Variants in RTEL1 observed in about 807,000 individuals in gnomAD.
RTEL1 encodes the protein regulator of telomere length.
In RTEL1, 86 loss-of-function variants were observed where a neutral mutation model predicts 162.2. The observed-to-expected ratio is 0.53, with a 90% CI of 0.45 to 0.63. The LOEUF (loss-of-function observed/expected upper bound fraction) is 0.63. RTEL1 is among the 30% of genes least tolerant of loss of function. The probability of loss-of-function intolerance (pLI) is 0.00; values close to 1 mark genes in which losing one functional copy is unlikely to be tolerated. For missense variants in RTEL1, 1,941 were observed against 1,750.2 expected (o/e 1.11, Z -1.95); for synonymous variants, 958 against 717.9 (o/e 1.33, Z -5.35).
intron 22 of RTEL1, 104 bp downstream of exon 22, chr20:63,689,236 CCTT>C: frequency 2.6e-6 from 3 of 1,168,672 alleles, no homozygotes; most frequent in Non-Finnish European, 3.7e-6. Context: ...CCGGTCCCCT[CCTT>C]GGGTCCCACG....
At position 63,694,853 on chromosome 20, in the gene RTEL1, G is replaced by A. The variant is rs575430966; in HGVS notation, c.3222G>A (p.Ala1074=). Residue 1074 remains alanine, a synonymous_variant, in exon 32 of 35, where the codon GCG becomes GCA. Coordinates refer to ENST00000360203, the MANE Select transcript of RTEL1 (RefSeq NM_001283009.2). The stretch of plus-strand genomic sequence containing the variant: ...ATGCCCGCAGGGCCCTGGGGTCCGC[G>A]GGCTGTAGCCAACTCTTGGCAGCGC... ...LADARRALGS[A]GCSQLLAALT... The A allele has an allele frequency of 2.1e-4, 340 of 1,612,612 alleles. 2 individuals carry two copies. The highest frequency in any genetic ancestry group is 1.5e-3 in the South Asian group (136 of 91,078).
intron 14 of RTEL1, among the ~76,000 whole-genome samples, chr20:63,683,662 T>G (rs1568700701): frequency 6.6e-6 from 1 of 152,186 alleles, no homozygotes; most frequent in South Asian, 2.1e-4. Context: ...CAGAACTCCC[T>G]CAAGTCTGCG....
Position 63,694,456 on chromosome 20 carries a change from G to A in RTEL1, c.3077G>A (p.Arg1026Lys). ...CCCCAAGAGCACCTGAACCAGGGCA[G>A]GCCCCACCTGTCGCCCAGGCCACCC... ...LDPQEHLNQG[R>K]PHLSPRPPPT... Residue 1026 changes from arginine (R) to lysine (K), a missense_variant, in exon 31 of 35, where the codon AGG (arginine) becomes AAG (lysine). Physicochemically the swap from Arg to Lys is conservative, Grantham distance 26 (BLOSUM62 2). Coordinates refer to ENST00000360203, the MANE Select transcript of RTEL1 (RefSeq NM_001283009.2). The A allele has an allele frequency of 1.2e-6, 2 of 1,606,022 alleles. No individual in the cohort carries two copies. Among genetic ancestry groups the A allele is most frequent in the South Asian group, 1.1e-5 (1 of 90,914 alleles).
rs41302954 is a variant in RTEL1, at chr20:63,678,161, G to A, written c.936G>A (p.Leu312=). ...CTTGCCCAGGGCTGAACATGGAGCT[G>A]GAAGACATTGCAAAGCTGAAGAGTA... ...DSPSPGLNME[L]EDIAKLKMIL... The change falls in exon 11 of 35, where the codon CTG becomes CTA. Residue 312 remains leucine, a synonymous_variant. Transcript: ENST00000360203. 18,508 of 1,614,118 alleles carry A rather than the reference G, an allele frequency of 0.011. 133 individuals carry two copies. The highest frequency in any genetic ancestry group is 0.013 in the Non-Finnish European group (14,817 of 1,179,982).
intron 12 of RTEL1, 140 bp downstream of exon 12, chr20:63,678,486 A>T (rs6010620): frequency 9.6e-6 from 7 of 729,262 alleles, no homozygotes; most frequent in Non-Finnish European, 1.6e-5. Context: ...TGGGAGGAGC[A>T]CCTGCTTTGC....
chr20:63,691,750 C>G lies in RTEL1; in HGVS notation c.2565C>G (p.Ser855Arg), dbSNP rs1167690038. ...AGCTGTGTCCTCCTCAGGCCCACAG[C>G]TGCTCCACCCTGTCCCTCCTGTCTG... ...AGSPGEEQAH[S>R]CSTLSLLSEK... is the part of the protein sequence containing the mutation. Residue 855 changes from serine (S) to arginine (R), a missense_variant, in exon 28 of 35, where the codon AGC (serine) becomes AGG (arginine). Physicochemically the swap from Ser to Arg is moderately radical, Grantham distance 110. Coordinates refer to ENST00000360203, the MANE Select transcript of RTEL1 (RefSeq NM_001283009.2). 6.2e-7 allele frequency: 1 copy of G among 1,612,276 alleles called. No individual in the cohort carries two copies. Among genetic ancestry groups the G allele is most frequent in the South Asian group, 1.1e-5 (1 of 91,086 alleles).
chr20:63,662,816 C>G lies in RTEL1; in HGVS notation c.478-13C>G, dbSNP rs769890048. On this transcript the variant is annotated splice_polypyrimidine_tract_variant and intron_variant, in intron 5 of 34. Transcript: ENST00000360203. Reference sequence around the variant, plus strand: ...CCGTGCTTCAGCTGCGCACTCTGCCCTTCCTCCCACAGATCCACTTGTGCC... The same window carrying G: ...CCGTGCTTCAGCTGCGCACTCTGCCGTTCCTCCCACAGATCCACTTGTGCC... 2.5e-6 allele frequency: 4 copies of G among 1,613,636 alleles called. No homozygotes were observed. Among genetic ancestry groups the G allele is most frequent in the Admixed American group, 3.3e-5 (2 of 59,988 alleles).
In RTEL1 at chr20:63,685,597, G is replaced by T; in HGVS notation, c.1266G>T (p.Lys422Asn). The T allele has an allele frequency of 6.2e-7, 1 of 1,610,764 alleles. No homozygotes were observed. The change falls in exon 15 of 35, where the codon AAG (lysine) becomes AAT (asparagine). Residue 422 changes from lysine (K) to asparagine (N), a missense_variant and splice_region_variant. Lys to Asn is a moderately conservative substitution (Grantham distance 94). Coordinates refer to ENST00000360203, the MANE Select transcript of RTEL1 (RefSeq NM_001283009.2). ...PAGLGALQSY[K>N]VHIHPDAGHR... ...GGCTGGGGGCCTTACAGTCCTATAA[G>T]GTAGGGGCCACCTCCAGGAGGCAGG...
At chr20:63,681,242 T>C (rs1188121940) in intron 14 of RTEL1, 1 of 985,316 alleles carries the variant, frequency 1.0e-6, no homozygotes, top group East Asian at 1.1e-4. Flanking sequence ...TGAGGTCTGC[T>C]TCTGGCTCCA....
At chr20:63,693,478 C>T (rs1340238611) in intron 30 of RTEL1, among the ~76,000 whole-genome samples, 195 bp downstream of exon 30, 2 of 76,402 alleles carry the variant, frequency 2.6e-5, no homozygotes, top group African/African-American at 9.2e-5. Flanking sequence ...TCCACCTCCA[C>T]CTCCACCACC....
At position 63,694,926 on chromosome 20, in the gene RTEL1, T is replaced by C. The variant is rs771667984; in HGVS notation, c.3295T>C (p.Leu1099=). The change falls in exon 32 of 35, where the codon TTG becomes CTG. Residue 1099 remains leucine, a synonymous_variant. Coordinates refer to ENST00000360203, the MANE Select transcript of RTEL1 (RefSeq NM_001283009.2). The stretch of plus-strand genomic sequence containing the variant: ...CGACCTCGACAAGGTGCTGGCTGTG[T>C]TGGCCGCCCTGACCACTGCAAAGCC... The part of the protein sequence containing the change: ...DDDLDKVLAV[L]AALTTAKPED... 33 of 1,612,434 alleles carry C rather than the reference T, an allele frequency of 2.0e-5. No homozygotes were observed. Among genetic ancestry groups the C allele is most frequent in the Non-Finnish European group, 2.8e-5 (33 of 1,179,860 alleles).
At chr20:63,664,430 G>T (rs1312419795) in intron 6 of RTEL1, among the ~76,000 whole-genome samples, 2 of 151,792 alleles carry the variant, frequency 1.3e-5, no homozygotes, top group Admixed American at 1.3e-4. Flanking sequence ...GGGACGCTGG[G>T]CCTGGTACCT....
Position 63,693,143 on chromosome 20 carries a change from G to A in RTEL1, c.2852G>A (p.Gly951Asp). 1 of 1,612,210 alleles carries A rather than the reference G, an allele frequency of 6.2e-7. No individual in the cohort carries two copies. Among genetic ancestry groups the A allele is most frequent in the Non-Finnish European group, 8.5e-7 (1 of 1,179,580 alleles). ...EDPKKHNLLQGFYQFVRPHHK... is the reference protein window; with the variant it reads ...EDPKKHNLLQDFYQFVRPHHK... ...GGGACAGACGCCCCTTCCTCTACAGGCTTCTACCAGTTTGTGCGGCCCCAC... is the reference window on the plus strand; with the variant it reads ...GGGACAGACGCCCCTTCCTCTACAGACTTCTACCAGTTTGTGCGGCCCCAC... The change falls in exon 30 of 35, where the codon GGC becomes GAC. Residue 951 changes from glycine to aspartate, a missense_variant and splice_region_variant. Transcript: ENST00000360203.
At position 63,695,030 on chromosome 20, in the gene RTEL1, G is replaced by C. The variant is rs769446756; in HGVS notation, c.3344-36G>C. The C allele has an allele frequency of 1.9e-6, 3 of 1,610,008 alleles. No individual in the cohort carries two copies. The Admixed American group carries it at 5.0e-5, about 27-fold the overall frequency. ...TGGGGTGGGGGGCAGGGGACAAAATGGGGGCTGTGCCGGGTCTGATTGAAG... is the reference window on the plus strand; with the variant it reads ...TGGGGTGGGGGGCAGGGGACAAAATCGGGGCTGTGCCGGGTCTGATTGAAG... On this transcript the variant is annotated intron_variant, in intron 32 of 34. Coordinates refer to ENST00000360203, the MANE Select transcript of RTEL1 (RefSeq NM_001283009.2).
At chr20:63,679,307 C>T (rs1430717594) in intron 12 of RTEL1, among the ~76,000 whole-genome samples, 7 of 152,162 alleles carry the variant, frequency 4.6e-5, no homozygotes, top group African/African-American at 9.7e-5. Flanking sequence ...CTGTCCTCAG[C>T]GTAATGCTCA....
At chr20:63,682,105 G>T in intron 14 of RTEL1, 2 of 985,432 alleles carry the variant, frequency 2.0e-6, no homozygotes, top group Non-Finnish European at 2.4e-6. Context: ...TCCCTCCCTG[G>T]AATACAGCTT....
chr20:63,693,462 T>TCCACCTCCACCACCACCTCCA (rs2090835857), intron 30 of RTEL1, among the ~76,000 whole-genome samples, 179 bp downstream of exon 30: 1 of 9,546 alleles, frequency 1.0e-4, no homozygotes, highest in Non-Finnish European at 2.1e-4. Flanking sequence ...CACCTCCACC[T>TCCACCTCCACCACCACCTCCA]CCACCTCCAC....
At position 63,681,018 on chromosome 20, in the gene RTEL1, A is replaced by AG. The variant is rs1279668814; in HGVS notation, c.1191+305dup. On this transcript the variant is annotated intron_variant, in intron 14 of 34. Coordinates refer to ENST00000360203, the MANE Select transcript of RTEL1 (RefSeq NM_001283009.2). The stretch of plus-strand genomic sequence containing the variant: ...CCTGCCCTGTCCGGGCCCTCAGGCC[A>AG]GGGGGGACCCACTGCTGGCAGCCCC... 7 of 985,266 alleles carry AG rather than the reference A, an allele frequency of 7.1e-6. No individual in the cohort carries two copies. In the South Asian group the frequency reaches 2.8e-4, roughly 40 times the overall value. The allele number at this position is 985,266 out of a possible 1,614,324, so 61.0% of individuals were successfully genotyped here. A position where few individuals can be genotyped will look rare whatever the true frequency, so the allele number is the denominator to read the frequency against.
In RTEL1 at chr20:63,675,454, C is replaced by T. The variant is rs183471091; in HGVS notation, c.919+1361C>T. ...GTAGAGAGTGAGTTTGCAAAGTTGG[C>T]ATTTGTTTAGTACAGAAGTTATCAG... On this transcript the variant is annotated intron_variant, in intron 10 of 34. Transcript: ENST00000360203. Among the ~76,000 whole-genome samples, 36 of 152,196 alleles carry T rather than the reference C, an allele frequency of 2.4e-4. 1 individual carries two copies. The highest frequency in any genetic ancestry group is 1.1e-3 in the Admixed American group (17 of 15,282).
Sources: allele counts gnomAD v4.1 joint callset (sites outside exome capture counted in the v4.1 genomes callset), GRCh38; gene constraint gnomAD v4.1.1; transcripts MANE v1.5; gene names NCBI Gene and HGNC (gene_info 2026-07-23, HGNC 2026-07-21).